ROR1: variants seen among roughly 807,000 people sequenced by gnomAD.
ROR1 encodes the protein ROR family WNT receptor 1, also known as inactive tyrosine-protein kinase transmembrane receptor ROR1.
Under a neutral mutation model 78.8 loss-of-function variants are expected in ROR1, and 19 were observed. The observed-to-expected ratio is 0.24, with a 90% CI of 0.17 to 0.35. ROR1 has a LOEUF of 0.35. Ranked by LOEUF, ROR1 falls within the 10% of genes least tolerant of loss-of-function variation. The pLI is 1.00. For missense variants in ROR1, 917 were observed against 1,177.8 expected (o/e 0.78, Z 3.24); for synonymous variants, 386 against 433.6 (o/e 0.89, Z 1.36).
intron 1 of ROR1, among the ~76,000 whole-genome samples, chr1:63,975,941 T>G (rs1446281867): frequency 1.3e-5 from 2 of 152,212 alleles, no homozygotes; most frequent in African/African-American, 4.8e-5. Context: ...GTGGGTACAT[T>G]CATTCATTTG....
At chr1:64,025,851 T>C (rs1646604820) in intron 2 of ROR1, among the ~76,000 whole-genome samples, 1 of 152,086 alleles carries the variant, frequency 6.6e-6, no homozygotes, top group Non-Finnish European at 1.5e-5. Flanking sequence ...CAATGGACTC[T>C]GGAGACTTGG....
intron 7 of ROR1, among the ~76,000 whole-genome samples, chr1:64,154,926 T>C (rs4414077): frequency 0.23 from 34,894 of 152,188 alleles, 4,984 homozygotes; most frequent in East Asian, 0.36. Flanking sequence ...TCCAAAGTGA[T>C]TTTCTTAAAA....
At position 64,119,249 on chromosome 1, in the gene ROR1, C is replaced by G. The variant is rs557375024; in HGVS notation, c.483-18120C>G. On this transcript the variant is annotated intron_variant, in intron 4 of 8. Coordinates refer to ENST00000371079, the MANE Select transcript of ROR1 (RefSeq NM_005012.4). ...TACTGCCTTTTTCAGCCCACTCCCC[C>G]CAGTTGAATTTTTCTGAGAGGCAGT... Among the ~76,000 whole-genome samples the G allele has an allele frequency of 1.1e-4, 17 of 152,264 alleles. No homozygotes were observed. The South Asian group carries it at 1.5e-3, about 13-fold the overall frequency.
At chr1:64,127,776 G>C (rs893602724) in intron 4 of ROR1, among the ~76,000 whole-genome samples, 3 of 152,166 alleles carry the variant, frequency 2.0e-5, no homozygotes, top group African/African-American at 7.2e-5. Flanking sequence ...AGGAGAAAAA[G>C]AATAAACCAT....
chr1:63,774,552 C>A lies in ROR1; in HGVS notation c.91+44C>A. 1.0e-6 allele frequency: 1 copy of A among 990,794 alleles called. No homozygotes were observed. The highest frequency in any genetic ancestry group is 1.2e-6 in the Non-Finnish European group (1 of 816,812). 61.4% of individuals were successfully genotyped at this position (990,794 alleles called of 1,614,324 possible). A position where few individuals can be genotyped will look rare whatever the true frequency, so the allele number is the denominator to read the frequency against. On this transcript the variant is annotated intron_variant, in intron 1 of 8. Transcript: ENST00000371079. The surrounding 1 kb of genome is among the most constrained non-coding windows in gnomAD (Gnocchi z 5.7). ...CCCCCGCCCGCCCAGACCCCCTGAC[C>A]CGTGGCCACCCTTCCGCCGTCCAGC...
chr1:63,985,906 A>C (rs1646246914), intron 1 of ROR1, among the ~76,000 whole-genome samples: 1 of 152,126 alleles, frequency 6.6e-6, no homozygotes. Flanking sequence ...TTCTAATTGC[A>C]AGATTTTTGG....
chr1:63,997,939 C>T (rs528823464), intron 1 of ROR1, among the ~76,000 whole-genome samples: 1 of 152,106 alleles, frequency 6.6e-6, no homozygotes, highest in East Asian at 1.9e-4. Context: ...CCAGTTAAGC[C>T]TCATAACAGT....
At chr1:63,796,929 T>C (rs569159681) in intron 1 of ROR1, among the ~76,000 whole-genome samples, 3 of 152,298 alleles carry the variant, frequency 2.0e-5, no homozygotes, top group East Asian at 3.9e-4. Flanking sequence ...ATGAGAAAAA[T>C]GTTTCACATT....
intron 1 of ROR1, among the ~76,000 whole-genome samples, chr1:63,962,691 G>A (rs537502892): frequency 2.0e-5 from 3 of 152,316 alleles, no homozygotes; most frequent in South Asian, 2.1e-4. Context: ...AGAGTGTCAC[G>A]ATGGAGGCTG....
chr1:63,947,330 A>G (rs1390199056), intron 1 of ROR1, among the ~76,000 whole-genome samples: 4 of 152,200 alleles, frequency 2.6e-5, no homozygotes, highest in Non-Finnish European at 5.9e-5. Context: ...TCTTAGAACT[A>G]TAATTTCCGT....
chr1:64,068,739 A>G (rs1646977990), intron 4 of ROR1, among the ~76,000 whole-genome samples: 1 of 151,740 alleles, frequency 6.6e-6, no homozygotes, highest in African/African-American at 2.4e-5. Context: ...TGTGATAGAA[A>G]TTTTTTTTTC....
At chr1:63,798,139 C>A (rs955672811) in intron 1 of ROR1, among the ~76,000 whole-genome samples, 33 of 152,200 alleles carry the variant, frequency 2.2e-4, no homozygotes, top group African/African-American at 6.5e-4. Flanking sequence ...AGGCATTTTT[C>A]CACTCTGCAT....
At chr1:63,971,178 C>T (rs74809360) in intron 1 of ROR1, among the ~76,000 whole-genome samples, 2,053 of 152,266 alleles carry the variant, frequency 0.013, 45 homozygotes, top group African/African-American at 0.048. Context: ...ACTCTGAATT[C>T]TGACTACCTG....
intron 1 of ROR1, among the ~76,000 whole-genome samples, chr1:63,978,953 A>G (rs1646185727): frequency 6.6e-6 from 1 of 152,210 alleles, no homozygotes. Flanking sequence ...GACCTGGGAA[A>G]GAGTGAATGT....
At chr1:63,810,918 T>C (rs772256787) in intron 1 of ROR1, among the ~76,000 whole-genome samples, 3 of 148,788 alleles carry the variant, frequency 2.0e-5, no homozygotes, top group Non-Finnish European at 3.0e-5. Flanking sequence ...AAAGACATGC[T>C]TGTCAAAAAG....
chr1:63,922,158 A>G (rs1279761841), intron 1 of ROR1, among the ~76,000 whole-genome samples: 3 of 152,204 alleles, frequency 2.0e-5, no homozygotes, highest in African/African-American at 7.2e-5. Context: ...TTAAGAATAA[A>G]GAAAGTCTCT....
At position 64,032,151 on chromosome 1, in the gene ROR1, G is replaced by A. The variant is rs192274403; in HGVS notation, c.164-17540G>A. On this transcript the variant is annotated intron_variant, in intron 2 of 8. Transcript: ENST00000371079. ...AGGTCAGGAGATCGAGACCATCCTG[G>A]CTACCACAGTGAAACCCCGTCTCTA... Among the ~76,000 whole-genome samples the A allele has an allele frequency of 2.6e-4, 39 of 151,880 alleles. 1 individual carries two copies. In the East Asian group the frequency reaches 7.4e-3, roughly 29 times the overall value.
intron 1 of ROR1, among the ~76,000 whole-genome samples, chr1:63,835,362 G>A (rs1645013733): frequency 6.6e-6 from 1 of 152,160 alleles, no homozygotes; most frequent in Non-Finnish European, 1.5e-5. Context: ...TACTTTTTGA[G>A]TAGGTCAATT....
intron 6 of ROR1, among the ~76,000 whole-genome samples, chr1:64,141,385 T>G (rs1483144919): frequency 6.6e-6 from 1 of 152,066 alleles, no homozygotes; most frequent in African/African-American, 2.4e-5. Context: ...CACATGCTTT[T>G]AAACGGCCAT....
Sources: allele counts gnomAD v4.1 joint callset (sites outside exome capture counted in the v4.1 genomes callset), GRCh38; gene constraint gnomAD v4.1.1; non-coding constraint Gnocchi (gnomAD v3.1); transcripts MANE v1.5; gene names NCBI Gene and HGNC (gene_info 2026-07-23, HGNC 2026-07-21).